The following CPD variants were observed in gnomAD, a reference collection of about 807,000 sequenced individuals.
The protein encoded by CPD is metallocarboxypeptidase D.
In CPD, 69 loss-of-function variants were observed where a neutral mutation model predicts 138.3. The observed-to-expected ratio is 0.50, with a 90% CI of 0.41 to 0.61. The LOEUF (loss-of-function observed/expected upper bound fraction) is 0.61. Ranked by LOEUF, CPD falls within the 20% of genes least tolerant of loss-of-function variation. The pLI is 0.00. For synonymous variants in CPD, 651 were observed against 642.1 expected (o/e 1.01, Z -0.21); for missense variants, 1,432 against 1,733.3 (o/e 0.83, Z 3.09).
chr17:30,434,745 G>C (rs772587134), intron 8 of CPD, among the ~76,000 whole-genome samples: 2 of 152,036 alleles, frequency 1.3e-5, no homozygotes, highest in African/African-American at 4.8e-5. Flanking sequence ...GGTTTTACAA[G>C]ACAGAAAAGA....
chr17:30,416,118 A>G (rs1344685062), intron 2 of CPD, among the ~76,000 whole-genome samples: 5 of 152,124 alleles, frequency 3.3e-5, no homozygotes, highest in Admixed American at 6.5e-5. Flanking sequence ...GGATCACCTG[A>G]GGTCAGGAGT....
intron 2 of CPD, among the ~76,000 whole-genome samples, chr17:30,408,769 T>G (rs920623808): frequency 2.6e-5 from 4 of 152,118 alleles, no homozygotes; most frequent in African/African-American, 9.7e-5. Flanking sequence ...ACAATTTGAG[T>G]TCCTCTTTTC....
rs763743377 is a variant in CPD at position 30,379,146 on chromosome 17, G to C, written c.166G>C (p.Asp56His). 46 of 1,536,840 alleles carry C rather than the reference G, an allele frequency of 3.0e-5. No individual in the cohort carries two copies. The highest frequency in any genetic ancestry group is 1.7e-4 in the Middle Eastern group (1 of 5,960). Reference protein sequence around the residue: ...AGAEAAEGQFDRYYHEEELES... With the variant: ...AGAEAAEGQFHRYYHEEELES... Reference sequence around the variant, plus strand: ...CGCCGAGGCGGCCGAGGGCCAGTTCGACCGCTACTACCACGAAGAGGAGTT... The same window carrying C: ...CGCCGAGGCGGCCGAGGGCCAGTTCCACCGCTACTACCACGAAGAGGAGTT... The change falls in exon 1 of 21, where the codon GAC becomes CAC. Residue 56 changes from aspartate to histidine, a missense_variant. Asp to His is a moderately conservative substitution (Grantham distance 81). Transcript: ENST00000225719. This position sits in a 1 kb window ranked among gnomAD's most constrained non-coding sequence, Gnocchi z 7.0.
At position 30,462,058 on chromosome 17, in the gene CPD, C is replaced by T; in HGVS notation, c.3812C>T (p.Ser1271Leu). The change falls in exon 19 of 21, where the codon TCA becomes TTA. Residue 1271 changes from serine (S) to leucine (L), a missense_variant. Ser to Leu is a moderately radical substitution (Grantham distance 145). Around this residue, in one of 6 missense-constraint regions of CPD, gnomAD observed 366 missense variants for 518.8 expected, o/e 0.71. Coordinates refer to ENST00000225719, the MANE Select transcript of CPD (RefSeq NM_001304.5). ...AIADGYQQQH[S>L]QVFVHHDAAS... ...GCTGATGGGTACCAGCAACAACATT[C>T]ACAGGTAAGAAACTCAAATTGAGTA... The T allele has an allele frequency of 6.2e-7, 1 of 1,605,606 alleles. No homozygotes were observed.
rs1913604384 is a variant in CPD at position 30,465,211 on chromosome 17, C to G, written c.*397C>G. On this transcript the variant is annotated 3_prime_UTR_variant, in exon 21 of 21. Transcript: ENST00000225719. The stretch of plus-strand genomic sequence containing the variant: ...GAATCCAGAAACATTAAGGCAGGGA[C>G]AGCAGTCAGAATCGACATAAAGCTT... 5.6e-6 allele frequency: 1 copy of G among 177,894 alleles called. No individual in the cohort carries two copies. Among genetic ancestry groups the G allele is most frequent in the Non-Finnish European group, 1.2e-5 (1 of 83,664 alleles). 11.0% of individuals were successfully genotyped at this position (177,894 alleles called of 1,614,324 possible). A position where few individuals can be genotyped will look rare whatever the true frequency, so the allele number is the denominator to read the frequency against.
intron 4 of CPD, 23 bp from the exon 5 acceptor site, chr17:30,422,651 A>T (rs1390325450): frequency 6.6e-7 from 1 of 1,517,736 alleles, no homozygotes; most frequent in African/African-American, 1.4e-5. Flanking sequence ...TAAACCATTT[A>T]CTTTTTCAAA....
intron 14 of CPD, chr17:30,454,120 T>C (rs1486167060): frequency 1.3e-5 from 2 of 152,254 alleles, no homozygotes; most frequent in Non-Finnish European, 2.9e-5. Context: ...GGCTCCTGGC[T>C]ACTTATGCAA....
chr17:30,408,281 G>A (rs565696617), intron 2 of CPD, among the ~76,000 whole-genome samples: 2 of 152,128 alleles, frequency 1.3e-5, no homozygotes, highest in African/African-American at 4.8e-5. Context: ...GATTGTCTTG[G>A]CTATGCAGGC....
chr17:30,388,727 C>CG (rs1248060785), intron 2 of CPD, among the ~76,000 whole-genome samples: 2 of 152,176 alleles, frequency 1.3e-5, no homozygotes, highest in Non-Finnish European at 1.5e-5. Context: ...GAGCCTGTGG[C>CG]GGGTGGCTCC....
chr17:30,384,534 C>T (rs1318599875), intron 1 of CPD, among the ~76,000 whole-genome samples: 1 of 152,126 alleles, frequency 6.6e-6, no homozygotes, highest in African/African-American at 2.4e-5. Context: ...GGCATAGTGG[C>T]TCATGCCTCT....
intron 2 of CPD, among the ~76,000 whole-genome samples, chr17:30,410,013 T>C (rs1352732183): frequency 6.6e-6 from 1 of 152,244 alleles, no homozygotes; most frequent in Non-Finnish European, 1.5e-5. Context: ...AATTTCCCTC[T>C]ACACACTGCT....
intron 16 of CPD, 53 bp downstream of exon 16, chr17:30,456,404 G>T: frequency 6.2e-7 from 1 of 1,610,408 alleles, no homozygotes; most frequent in Non-Finnish European, 8.5e-7. Context: ...TGCTTTTGTG[G>T]GGAAAGGAGT....
At position 30,464,789 on chromosome 17, in the gene CPD, A is replaced by G. The variant is rs1318553083; in HGVS notation, c.4118A>G (p.Glu1373Gly). ...EFQDETDTEE[E>G]TLYSSKH ...CAGGATGAAACAGACACTGAAGAGGAAACATTATATTCTAGCAAACATTGA... is the reference window on the plus strand; with the variant it reads ...CAGGATGAAACAGACACTGAAGAGGGAACATTATATTCTAGCAAACATTGA... Residue 1373 changes from glutamate to glycine, a missense_variant, in exon 21 of 21, where the codon GAA becomes GGA. Glu to Gly is a moderately conservative substitution (Grantham distance 98). Coordinates refer to ENST00000225719, the MANE Select transcript of CPD (RefSeq NM_001304.5). 3 of 1,613,890 alleles carry G rather than the reference A, an allele frequency of 1.9e-6. No individual in the cohort carries two copies. In the South Asian group the frequency reaches 3.3e-5, roughly 18 times the overall value.
Position 30,455,419 on chromosome 17 carries a change from G to A in CPD, c.3286G>A (p.Asp1096Asn). Residue 1096 changes from aspartate (D) to asparagine (N), a missense_variant, in exon 15 of 21, where the codon GAT (aspartate) becomes AAT (asparagine). Around this residue, in one of 6 missense-constraint regions of CPD, gnomAD observed 366 missense variants for 518.8 expected, o/e 0.71. Coordinates refer to ENST00000225719, the MANE Select transcript of CPD (RefSeq NM_001304.5). ...KQDFSLSVALDGGSMLVTYPY... is the reference protein window; with the variant it reads ...KQDFSLSVALNGGSMLVTYPY... ...GGACTTTAGTCTTTCTGTTGCCTTA[G>A]ATGGTGGTTCCATGCTGGTCACATA... 1 of 1,613,866 alleles carries A rather than the reference G, an allele frequency of 6.2e-7. No homozygotes were observed. The highest frequency in any genetic ancestry group is 1.1e-5 in the South Asian group (1 of 91,050).
At chr17:30,461,085 T>G in intron 17 of CPD, 95 bp from the exon 18 acceptor site, 1 of 965,642 alleles carries the variant, frequency 1.0e-6, no homozygotes, top group Non-Finnish European at 1.5e-6. Context: ...CAGCTACGTT[T>G]TCTTTTCATT....
Position 30,379,577 on chromosome 17 carries a change from C to T in CPD, c.597C>T (p.Asp199=). The T allele has an allele frequency of 2.6e-6, 4 of 1,511,008 alleles. No homozygotes were observed. The highest frequency in any genetic ancestry group is 3.5e-6 in the Non-Finnish European group (4 of 1,141,296). 93.6% of individuals were successfully genotyped at this position (1,511,008 alleles called of 1,614,324 possible). A position where few individuals can be genotyped will look rare whatever the true frequency, so the allele number is the denominator to read the frequency against. ...RAREGDCGFG[D]GGPSGASGRD... is the part of the protein sequence containing the mutation. ...GCGAGGGCGACTGTGGCTTCGGCGA[C>T]GGCGGCCCGTCCGGGGCCAGCGGCC... Residue 199 remains aspartate (D), a synonymous_variant, in exon 1 of 21, where the codon GAC becomes GAT. Coordinates refer to ENST00000225719, the MANE Select transcript of CPD (RefSeq NM_001304.5). This position sits in a 1 kb window ranked among gnomAD's most constrained non-coding sequence, Gnocchi z 7.0.
At chr17:30,456,380 G>A in intron 16 of CPD, 29 bp downstream of exon 16, 1 of 1,611,120 alleles carries the variant, frequency 6.2e-7, no homozygotes, top group Non-Finnish European at 8.5e-7. Context: ...TTTTGTTATT[G>A]CTGTTGTTGT....
chr17:30,461,741 CA>C (rs1913480231), intron 18 of CPD, 135 bp from the exon 19 acceptor site: 1 of 655,828 alleles, frequency 1.5e-6, no homozygotes, highest in South Asian at 2.4e-5. Flanking sequence ...GCAGGCCATA[CA>C]GAGTTTGATA....
At chr17:30,395,689 T>C (rs114610145) in intron 2 of CPD, among the ~76,000 whole-genome samples, 1,883 of 151,334 alleles carry the variant, frequency 0.012, 34 homozygotes, top group African/African-American at 0.044. Flanking sequence ...TTTTTTCCTG[T>C]TTAACTCAGG....
Sources: gnomAD v4.1 joint callset for allele counts (sites outside exome capture counted in the v4.1 genomes callset) on GRCh38, gnomAD v4.1.1 for gene constraint, gnomAD v4.1.1 regional missense constraint, Gnocchi (gnomAD v3.1) non-coding constraint, MANE v1.5 for transcripts, NCBI Gene and HGNC (gene_info 2026-07-23, HGNC 2026-07-21) for gene names.